Variants in AMOTL1 observed in about 807,000 individuals in gnomAD.
AMOTL1 encodes the protein angiomotin-like protein 1.
A neutral mutation model predicts 102.9 loss-of-function variants in AMOTL1; 45 were observed. The observed-to-expected ratio is 0.44, with a 90% CI of 0.34 to 0.56. The LOEUF is 0.56. AMOTL1 is among the 20% of genes least tolerant of loss of function. The probability of loss-of-function intolerance (pLI) is 0.01; values close to 1 mark genes in which losing one functional copy is unlikely to be tolerated. For missense variants in AMOTL1, 1,114 were observed against 1,225.6 expected (o/e 0.91, Z 1.36); for synonymous variants, 481 against 484.7 (o/e 0.99, Z 0.10).
At position 94,795,814 on chromosome 11, in the gene AMOTL1, GT is replaced by G. The variant is rs567726039; in HGVS notation, c.199+656del. Among the ~76,000 whole-genome samples the G allele has an allele frequency of 1.1e-3, 165 of 152,270 alleles. 1 individual carries two copies. The highest frequency in any genetic ancestry group is 3.8e-3 in the African/African-American group (158 of 41,564). On this transcript the variant is annotated intron_variant, in intron 2 of 12. Transcript: ENST00000433060. ...CTTTGGAAATATATTTTGATTTGAA[GT>G]TGTATTCATTTTATTTTAAAATGTT...
chr11:94,707,721 C>T (rs529261379), intron 1 of AMOTL1, among the ~76,000 whole-genome samples: 50 of 152,240 alleles, frequency 3.3e-4, no homozygotes, highest in African/African-American at 1.1e-3. Flanking sequence ...TCTGTGTCCC[C>T]TAGGTCTGTG....
At chr11:94,857,671 A>G (rs573545203) in intron 8 of AMOTL1, among the ~76,000 whole-genome samples, 45 of 152,246 alleles carry the variant, frequency 3.0e-4, no homozygotes, top group Non-Finnish European at 4.1e-4. Flanking sequence ...CAGTAGTCCT[A>G]TGAGAAAGAA....
chr11:94,727,494 C>T (rs577040565), intron 1 of AMOTL1, among the ~76,000 whole-genome samples: 9 of 152,208 alleles, frequency 5.9e-5, no homozygotes, highest in South Asian at 2.1e-4. Context: ...AGTTGGCTAA[C>T]GGATAAATAA....
chr11:94,859,174 T>A (rs1216346741), intron 8 of AMOTL1, among the ~76,000 whole-genome samples: 2 of 152,212 alleles, frequency 1.3e-5, no homozygotes. Context: ...TTCTTGCTTT[T>A]GGTGTAATTA....
chr11:94,756,374 C>A (rs900302164), intron 3 of AMOTL1, among the ~76,000 whole-genome samples: 2 of 152,210 alleles, frequency 1.3e-5, no homozygotes, highest in Non-Finnish European at 2.9e-5. Context: ...TGCCCTCCTC[C>A]TGTATCATTA....
intron 1 of AMOTL1, among the ~76,000 whole-genome samples, chr11:94,772,867 T>C (rs1396805364): frequency 2.6e-5 from 4 of 152,250 alleles, no homozygotes; most frequent in African/African-American, 9.6e-5. Flanking sequence ...TAGCATTTGA[T>C]GTTATCACTA....
chr11:94,750,750 C>T (rs375245363), intron 3 of AMOTL1, among the ~76,000 whole-genome samples: 1 of 152,204 alleles, frequency 6.6e-6, no homozygotes, highest in Non-Finnish European at 1.5e-5. Flanking sequence ...CAATTCCCTT[C>T]ACAGGAAACC....
chr11:94,867,728 T>C (rs750526311), intron 11 of AMOTL1, among the ~76,000 whole-genome samples: 29 of 152,182 alleles, frequency 1.9e-4, no homozygotes, highest in Non-Finnish European at 3.7e-4. Context: ...ACCTTCCCAA[T>C]TGCCCAGGGT....
At position 94,876,481 on chromosome 11, in the gene AMOTL1, T is replaced by C. The variant is rs987726517; in HGVS notation, c.*5686T>C. 7.2e-5 allele frequency: 11 copies of C among 152,738 alleles called. No homozygotes were observed. The highest frequency in any genetic ancestry group is 2.4e-4 in the African/African-American group (10 of 41,564). 9.5% of individuals were successfully genotyped at this position (152,738 alleles called of 1,614,324 possible). A position where few individuals can be genotyped will look rare whatever the true frequency, so the allele number is the denominator to read the frequency against. On this transcript the variant is annotated 3_prime_UTR_variant, in exon 13 of 13. Transcript: ENST00000433060. ...GTTTGACGTCTTCATATTGCCAGTC[T>C]GTATTGAGGGGTGATGTACATGGCC...
intron 1 of AMOTL1, among the ~76,000 whole-genome samples, chr11:94,719,597 A>G (rs1486297873): frequency 6.6e-6 from 1 of 151,852 alleles, no homozygotes; most frequent in East Asian, 1.9e-4. Context: ...TGAGAGAGAG[A>G]GAGATTTAAA....
At chr11:94,855,607 G>A (rs562498847) in intron 8 of AMOTL1, among the ~76,000 whole-genome samples, 306 of 152,222 alleles carry the variant, frequency 2.0e-3, no homozygotes, top group Non-Finnish European at 3.4e-3. Flanking sequence ...TTCCTTCCTG[G>A]TTAATATGCC....
intron 2 of AMOTL1, among the ~76,000 whole-genome samples, chr11:94,730,210 C>G (rs1423180586): frequency 6.6e-6 from 1 of 152,174 alleles, no homozygotes; most frequent in Non-Finnish European, 1.5e-5. Flanking sequence ...CTGACCTCTG[C>G]CTGCCCCTCT....
chr11:94,805,886 C>T (rs1951560176), intron 3 of AMOTL1, among the ~76,000 whole-genome samples: 1 of 152,196 alleles, frequency 6.6e-6, no homozygotes, highest in Non-Finnish European at 1.5e-5. Flanking sequence ...GTAAAGCAGA[C>T]TTCTTGCCTT....
chr11:94,751,214 A>G (rs569865899), intron 3 of AMOTL1, among the ~76,000 whole-genome samples: 1 of 152,274 alleles, frequency 6.6e-6, no homozygotes, highest in Admixed American at 6.5e-5. Flanking sequence ...TAGGCACTCA[A>G]AACTATATAT....
At chr11:94,741,225 CGTGTGCGT>C (rs1950521723) in intron 3 of AMOTL1, among the ~76,000 whole-genome samples, 1 of 150,812 alleles carries the variant, frequency 6.6e-6, no homozygotes, top group African/African-American at 2.4e-5. Flanking sequence ...TGTGTGCGTG[CGTGTGCGT>C]GTGTGTGTGT....
chr11:94,710,655 T>C (rs1242414465), intron 1 of AMOTL1, among the ~76,000 whole-genome samples: 1 of 152,184 alleles, frequency 6.6e-6, no homozygotes, highest in African/African-American at 2.4e-5. Flanking sequence ...AGAGCTTCAG[T>C]TGGTCATCAC....
rs1213984329 is a variant in AMOTL1 at position 94,707,240 on chromosome 11, CTCTCTCTCTCTGTG to C, written c.-51+645_-51+658del. Among the ~76,000 whole-genome samples the C allele has an allele frequency of 5.4e-3, 472 of 86,928 alleles. 2 individuals carry two copies. Among genetic ancestry groups the C allele is most frequent in the African/African-American group, 0.013 (380 of 29,202 alleles). 57.0% of individuals were successfully genotyped at this position (86,928 alleles called of 152,430 possible). ...TCTCTCTCTCTCTCTCTCTCTCTCTCTCTCTCTCTCTGTGTGTGTGTGTGTGTGTGTGTGTGTGT... is the reference window on the plus strand; with the variant it reads ...TCTCTCTCTCTCTCTCTCTCTCTCTCTGTGTGTGTGTGTGTGTGTGTGTGT... On this transcript the variant is annotated intron_variant, in intron 1 of 4. Transcript: ENST00000299004.
intron 9 of AMOTL1, among the ~76,000 whole-genome samples, chr11:94,861,270 A>T (rs1952768846): frequency 6.6e-6 from 1 of 152,164 alleles, no homozygotes; most frequent in Non-Finnish European, 1.5e-5. Context: ...CCTGCAGTAT[A>T]TGGATGGGCA....
rs893627535 is a variant in AMOTL1, at chr11:94,875,747, A to G, written c.*4952A>G. On this transcript the variant is annotated 3_prime_UTR_variant, in exon 13 of 13. Transcript: ENST00000433060. The stretch of plus-strand genomic sequence containing the variant: ...TTTGTTTCTAAAAAAATCCCTAAGA[A>G]ATTTCTTGGAATGAGTCTTTGGCCT... The G allele has an allele frequency of 1.6e-4, 25 of 152,178 alleles. No homozygotes were observed. Among genetic ancestry groups the G allele is most frequent in the African/African-American group, 6.0e-4 (25 of 41,428 alleles). 9.4% of individuals were successfully genotyped at this position (152,178 alleles called of 1,614,324 possible).
Sources: allele counts gnomAD v4.1 joint callset (sites outside exome capture counted in the v4.1 genomes callset), GRCh38; gene constraint gnomAD v4.1.1; transcripts MANE v1.5; gene names NCBI Gene and HGNC (gene_info 2026-07-23, HGNC 2026-07-21).